The following BAIAP2 variants were observed in gnomAD, a reference collection of about 807,000 sequenced individuals.
BAIAP2 encodes BAR/IMD domain containing adaptor protein 2.
A neutral mutation model predicts 63.0 loss-of-function variants in BAIAP2; 18 were observed. The ratio of observed to expected loss-of-function variants is 0.29; its 90% CI spans 0.20 to 0.42. The LOEUF is 0.42. BAIAP2 is among the 10% of genes least tolerant of loss of function. The probability of loss-of-function intolerance (pLI) is 1.00; values close to 1 mark genes in which losing one functional copy is unlikely to be tolerated. For missense variants in BAIAP2, 610 were observed against 734.3 expected (o/e 0.83, Z 1.96); for synonymous variants, 386 against 307.6 (o/e 1.25, Z -2.67).
intron 1 of BAIAP2, among the ~76,000 whole-genome samples, chr17:81,041,600 G>GT (rs1341853260): frequency 6.6e-6 from 1 of 152,186 alleles, no homozygotes; most frequent in East Asian, 1.9e-4. Context: ...TGGAGACGGA[G>GT]TTTTGCTCTT....
intron 2 of BAIAP2, among the ~76,000 whole-genome samples, chr17:81,055,894 T>C (rs2049474178): frequency 6.6e-6 from 1 of 152,116 alleles, no homozygotes; most frequent in Admixed American, 6.6e-5. Context: ...ACAGTGGAGA[T>C]GCTTGGGCTG....
At chr17:81,057,841 CT>C (rs757472468) in intron 2 of BAIAP2, 39 bp from the exon 3 acceptor site, 2 of 1,596,426 alleles carry the variant, frequency 1.3e-6, no homozygotes, top group East Asian at 2.3e-5. Flanking sequence ...TTGTCTGTCC[CT>C]CGTGGAGGAA....
chr17:81,075,830 A>C (rs1190106597), intron 3 of BAIAP2, among the ~76,000 whole-genome samples: 1 of 152,028 alleles, frequency 6.6e-6, no homozygotes, highest in Non-Finnish European at 1.5e-5. Flanking sequence ...CAGCCTTTGC[A>C]CTGGCCAGCC....
At chr17:81,038,304 C>A (rs1362376746) in intron 1 of BAIAP2, among the ~76,000 whole-genome samples, 1 of 152,208 alleles carries the variant, frequency 6.6e-6, no homozygotes, top group Non-Finnish European at 1.5e-5. Flanking sequence ...TCCTGGAATG[C>A]CAGGAGAATG....
chr17:81,041,254 G>T (rs1438121145), intron 1 of BAIAP2, among the ~76,000 whole-genome samples: 3 of 152,240 alleles, frequency 2.0e-5, no homozygotes, highest in African/African-American at 7.2e-5. Context: ...TGCTCCCTGG[G>T]CAGTGGGTAC....
Position 81,116,019 on chromosome 17 carries a change from G to A in BAIAP2, c.*180G>A, listed in dbSNP as rs1415035171. On this transcript the variant is annotated 3_prime_UTR_variant, in exon 14 of 14. Coordinates refer to ENST00000428708, the MANE Select transcript of BAIAP2 (RefSeq NM_001144888.2). ...TGTTCTAGGCAGGGCCGGGCAGAGTGGGGCGCAGGCCCCTGAAGGGCGAGA... is the reference window on the plus strand; with the variant it reads ...TGTTCTAGGCAGGGCCGGGCAGAGTAGGGCGCAGGCCCCTGAAGGGCGAGA... 1.4e-6 allele frequency: 2 copies of A among 1,460,818 alleles called. No homozygotes were observed. The highest frequency in any genetic ancestry group is 1.4e-5 in the African/African-American group (1 of 70,944). The allele number at this position is 1,460,818 out of a possible 1,614,324, so 90.5% of individuals were successfully genotyped here.
chr17:81,035,152 T>G lies in BAIAP2; in HGVS notation c.-103T>G, dbSNP rs2046028725. 1 of 917,130 alleles carries G rather than the reference T, an allele frequency of 1.1e-6. No homozygotes were observed. The highest frequency in any genetic ancestry group is 1.5e-6 in the Non-Finnish European group (1 of 664,138). The allele number at this position is 917,130 out of a possible 1,614,324, so 56.8% of individuals were successfully genotyped here. On this transcript the variant is annotated 5_prime_UTR_variant, in exon 1 of 14. Transcript: ENST00000428708. Reference sequence around the variant, plus strand: ...GGCCGCCGCCGGACGCCGGGCTCTGTGGTTCGGGTCCGCTTTCGTCTCCGT... The same window carrying G: ...GGCCGCCGCCGGACGCCGGGCTCTGGGGTTCGGGTCCGCTTTCGTCTCCGT...
At chr17:81,044,041 G>A (rs949280689) in intron 1 of BAIAP2, among the ~76,000 whole-genome samples, 1 of 152,220 alleles carries the variant, frequency 6.6e-6, no homozygotes, top group Non-Finnish European at 1.5e-5. Flanking sequence ...GCCCCGCCCC[G>A]AAGCTGCTTG....
intron 5 of BAIAP2, 122 bp from the exon 6 acceptor site, chr17:81,086,321 G>A: frequency 8.4e-7 from 1 of 1,196,680 alleles, no homozygotes; most frequent in South Asian, 1.4e-5. Context: ...CAGGAAGGGA[G>A]TGGCAGGGCT....
chr17:81,113,496 C>A (rs558732068), intron 13 of BAIAP2, among the ~76,000 whole-genome samples: 2 of 152,266 alleles, frequency 1.3e-5, no homozygotes, highest in African/African-American at 2.4e-5. Context: ...CTCCTGGGCG[C>A]GTCTTTCCCA....
chr17:81,043,068 T>C (rs571171192), intron 1 of BAIAP2, among the ~76,000 whole-genome samples: 9 of 152,160 alleles, frequency 5.9e-5, no homozygotes, highest in African/African-American at 1.9e-4. Context: ...GGTTTCACCA[T>C]GTTGCCCAGG....
chr17:81,057,794 T>G, intron 2 of BAIAP2, 87 bp from the exon 3 acceptor site: 1 of 1,512,424 alleles, frequency 6.6e-7, no homozygotes, highest in Non-Finnish European at 8.9e-7. Context: ...GGGTTGGGCC[T>G]GTGCGTGCCA....
intron 6 of BAIAP2, among the ~76,000 whole-genome samples, chr17:81,096,780 G>A (rs1210769240): frequency 1.1e-4 from 17 of 152,230 alleles, no homozygotes; most frequent in Admixed American, 1.1e-3. Context: ...CAGGCCCCAG[G>A]GTACCCCTGA....
In BAIAP2 at chr17:81,052,641, G is replaced by T. The variant is rs1420490590; in HGVS notation, c.55-1027G>T. The stretch of plus-strand genomic sequence containing the variant: ...AGCGGGTTTTCTGGAGGCAGGTCCC[G>T]TGGTGGGGAGTGGCTTCCTTGTCCC... On this transcript the variant is annotated intron_variant, in intron 1 of 13. Coordinates refer to ENST00000428708, the MANE Select transcript of BAIAP2 (RefSeq NM_001144888.2). 2.0e-5 allele frequency among the ~76,000 whole-genome samples: 3 copies of T among 152,258 alleles called. No individual in the cohort carries two copies. The South Asian group carries it at 6.2e-4, about 32-fold the overall frequency.
At chr17:81,069,150 T>A (rs953376037) in intron 3 of BAIAP2, among the ~76,000 whole-genome samples, 17 of 152,180 alleles carry the variant, frequency 1.1e-4, no homozygotes, top group African/African-American at 3.6e-4. Context: ...TTCTGGTAGC[T>A]CCGAATGGTG....
intron 3 of BAIAP2, among the ~76,000 whole-genome samples, chr17:81,074,763 C>T (rs2053371313): frequency 6.6e-6 from 1 of 151,592 alleles, no homozygotes; most frequent in Non-Finnish European, 1.5e-5. Context: ...TGTGTGTGCA[C>T]GGATGCATAA....
intron 6 of BAIAP2, among the ~76,000 whole-genome samples, chr17:81,088,459 G>C (rs2145406307): frequency 6.6e-6 from 1 of 152,362 alleles, no homozygotes; most frequent in African/African-American, 2.4e-5. Flanking sequence ...AGTGTTTGCA[G>C]CTGTGTGTCC....
rs546969409 is a variant in BAIAP2, at chr17:81,097,962, C to T, written c.490-1966C>T. Among the ~76,000 whole-genome samples, 69 of 152,332 alleles carry T rather than the reference C, an allele frequency of 4.5e-4. 1 individual carries two copies. The highest frequency in any genetic ancestry group is 1.4e-3 in the South Asian group (7 of 4,832). Reference sequence around the variant, plus strand: ...TGACATCCAGGGTCCCAGTCGAGCCCTCCCACTGTCGGGCTGGGGTTCTGG... The same window carrying T: ...TGACATCCAGGGTCCCAGTCGAGCCTTCCCACTGTCGGGCTGGGGTTCTGG... On this transcript the variant is annotated intron_variant, in intron 6 of 13. Transcript: ENST00000428708.
At position 81,084,422 on chromosome 17, in the gene BAIAP2, G is replaced by A. The variant is rs527291908; in HGVS notation, c.218-410G>A. ...GTTTGTGCGCTGTGGTGTGGGGTCA[G>A]CAGACTGTCCACCTGGCCTGAGGTA... is the stretch of plus-strand genomic sequence containing the variant. On this transcript the variant is annotated intron_variant, in intron 3 of 13. Transcript: ENST00000428708. Among the ~76,000 whole-genome samples, 4 of 152,292 alleles carry A rather than the reference G, an allele frequency of 2.6e-5. No individual in the cohort carries two copies. In the South Asian group the frequency reaches 8.3e-4, roughly 32 times the overall value.
Sources: gnomAD v4.1 joint callset for allele counts (sites outside exome capture counted in the v4.1 genomes callset) on GRCh38, gnomAD v4.1.1 for gene constraint, MANE v1.5 for transcripts, NCBI Gene and HGNC (gene_info 2026-07-23, HGNC 2026-07-21) for gene names.